Variants in TGM2 observed in about 807,000 individuals in gnomAD.
TGM2 encodes transglutaminase 2.
In TGM2, 53 loss-of-function variants were observed where a neutral mutation model predicts 75.6. The observed-to-expected ratio is 0.70, with a 90% CI of 0.56 to 0.88. The LOEUF is 0.88. TGM2 is among the 40% of genes least tolerant of loss of function. The pLI, the probability that TGM2 is intolerant of heterozygous loss-of-function variation, is 0.00. For synonymous variants in TGM2, 374 were observed against 381.1 expected, an observed-to-expected ratio of 0.98 and a Z score of 0.22; for missense variants, 842 against 928.5, an observed-to-expected ratio of 0.91 and a Z score of 1.21.
At chr20:38,140,781 A>G (rs2074962299) in intron 8 of TGM2, among the ~76,000 whole-genome samples, 2 of 152,160 alleles carry the variant, frequency 1.3e-5, no homozygotes, top group Non-Finnish European at 2.9e-5. Flanking sequence ...TTTTAATGTA[A>G]TTGGTTTTCT....
intron 12 of TGM2, 87 bp from the exon 13 acceptor site, chr20:38,130,456 C>T (rs2076378): frequency 0.14 from 203,445 of 1,416,230 alleles, 15,409 homozygotes; most frequent in East Asian, 0.26. Flanking sequence ...ACGTGACCTC[C>T]GAGGATCAGC....
In TGM2 at chr20:38,131,350, C is replaced by A. The variant is rs867793665; in HGVS notation, c.1777-121G>T. ...GCTGTACCCAGGTCTGCCACGATCA[C>A]CCCCCCTCCCCCCACCTCTGTGCCT... is the stretch of plus-strand genomic sequence containing the variant. On this transcript the variant is annotated intron_variant, in intron 11 of 12. Coordinates refer to ENST00000361475, the MANE Select transcript of TGM2 (RefSeq NM_004613.4). 7 of 1,246,484 alleles carry A rather than the reference C, an allele frequency of 5.6e-6. 1 individual carries two copies. In the Middle Eastern group the frequency reaches 1.4e-3, roughly 245 times the overall value. 77.2% of individuals were successfully genotyped at this position (1,246,484 alleles called of 1,614,324 possible).
At chr20:38,149,509 C>G (rs903176124) in intron 4 of TGM2, among the ~76,000 whole-genome samples, 4 of 151,892 alleles carry the variant, frequency 2.6e-5, no homozygotes, top group African/African-American at 9.7e-5. Flanking sequence ...AACCCCGTCT[C>G]TACTAAAAAA....
At position 38,146,811 on chromosome 20, in the gene TGM2, G is replaced by C; in HGVS notation, c.765C>G (p.Ile255Met). The C allele has an allele frequency of 2.5e-6, 4 of 1,614,016 alleles. No homozygotes were observed. Among genetic ancestry groups the C allele is most frequent in the Non-Finnish European group, 3.4e-6 (4 of 1,179,962 alleles). The change falls in exon 6 of 13, where the codon ATC (isoleucine) becomes ATG (methionine). Residue 255 changes from isoleucine (I) to methionine (M), a missense_variant. Coordinates refer to ENST00000361475, the MANE Select transcript of TGM2 (RefSeq NM_004613.4). ...YGDGVSPMSW[I>M]GSVDILRRWK... The stretch of plus-strand genomic sequence containing the variant: ...AGCGCCGCAGGATGTCCACGCTGCC[G>C]ATCCAGGACATGGGGCTGACGCCGT...
chr20:38,152,206 C>G (rs2075122937), intron 3 of TGM2, among the ~76,000 whole-genome samples: 1 of 152,272 alleles, frequency 6.6e-6, no homozygotes, highest in African/African-American at 2.4e-5. Flanking sequence ...TCTCAGGCCC[C>G]AGGCACAGTG....
chr20:38,166,876 C>T (rs1326208169), upstream of TGM2, among the ~76,000 whole-genome samples: 1 of 152,132 alleles, frequency 6.6e-6, no homozygotes, highest in East Asian at 1.9e-4. Context: ...CTGGTGAAAG[C>T]TTGGAGGAAA....
At chr20:38,153,474 G>A (rs943940661) in intron 3 of TGM2, among the ~76,000 whole-genome samples, 3 of 141,688 alleles carry the variant, frequency 2.1e-5, no homozygotes, top group East Asian at 4.7e-4. Flanking sequence ...GGAGTGAGGC[G>A]AGATTGCACC....
chr20:38,153,552 A>AATGAGCAG (rs2122942172), intron 3 of TGM2, among the ~76,000 whole-genome samples: 1 of 150,200 alleles, frequency 6.7e-6, no homozygotes, highest in East Asian at 1.9e-4. Context: ...AAAAAGAATG[A>AATGAGCAG]ATGAGCAGAT....
chr20:38,141,183 G>T, intron 8 of TGM2, 99 bp downstream of exon 8: 1 of 928,140 alleles, frequency 1.1e-6, no homozygotes, highest in South Asian at 1.4e-5. Context: ...AGTGGTCTCC[G>T]GGTGAGCTCC....
intron 2 of TGM2, among the ~76,000 whole-genome samples, chr20:38,158,142 G>A (rs756105579): frequency 3.3e-5 from 5 of 152,186 alleles, no homozygotes; most frequent in African/African-American, 4.8e-5. Flanking sequence ...AACAGGCCTG[G>A]GCCAGATCCC....
At chr20:38,163,826 G>A (rs566670252) in intron 1 of TGM2, among the ~76,000 whole-genome samples, 3 of 152,356 alleles carry the variant, frequency 2.0e-5, no homozygotes, top group South Asian at 2.1e-4. Flanking sequence ...GCAGGAAAGA[G>A]GCCATTGTTG....
chr20:38,150,886 C>G, intron 4 of TGM2, 53 bp downstream of exon 4: 2 of 1,374,976 alleles, frequency 1.5e-6, no homozygotes, highest in Non-Finnish European at 2.1e-6. Flanking sequence ...GACACAGGGC[C>G]GGGCACACAG....
At position 38,141,266 on chromosome 20, in the gene TGM2, G is replaced by C; in HGVS notation, c.1099+16C>G. 1 of 1,552,486 alleles carries C rather than the reference G, an allele frequency of 6.4e-7. No homozygotes were observed. Among genetic ancestry groups the C allele is most frequent in the East Asian group, 2.4e-5 (1 of 41,656 alleles). ...TCTTCCCCATCTGTTTGACGCGACA[G>C]TGCCCGCCCACGCACCTTCGCTCTT... On this transcript the variant is annotated intron_variant, in intron 8 of 12. Transcript: ENST00000361475.
rs201369573 is a variant in TGM2, at chr20:38,141,346, C to T, written c.1035G>A (p.Pro345=). 140 of 1,590,858 alleles carry T rather than the reference C, an allele frequency of 8.8e-5. 1 individual carries two copies. Among genetic ancestry groups the T allele is most frequent in the Middle Eastern group, 1.7e-4 (1 of 6,030 alleles). The change falls in exon 8 of 13, where the codon CCG becomes CCA. Residue 345 remains proline, a synonymous_variant. Transcript: ENST00000361475. ...HCWVESWMTR[P]DLQPGYEGWQ... is the part of the protein sequence containing the mutation. Reference sequence around the variant, plus strand: ...AGCCCTCGTACCCCGGCTGCAGGTCCGGCCTGGTCATCCACGACTCCACCC... The same window carrying T: ...AGCCCTCGTACCCCGGCTGCAGGTCTGGCCTGGTCATCCACGACTCCACCC...
intron 6 of TGM2, among the ~76,000 whole-genome samples, chr20:38,144,244 G>C (rs2075015097): frequency 6.6e-6 from 1 of 152,190 alleles, no homozygotes; most frequent in African/African-American, 2.4e-5. Flanking sequence ...CCAGCTGTAT[G>C]ACCTTGGGCA....
chr20:38,160,245 C>T (rs182944329), intron 2 of TGM2, among the ~76,000 whole-genome samples: 8 of 152,238 alleles, frequency 5.3e-5, no homozygotes, highest in Non-Finnish European at 1.0e-4. Flanking sequence ...GCTGGCCTTT[C>T]CCAACCCGAG....
rs1342209348 is a variant in TGM2 at position 38,161,504 on chromosome 20, C to T, written c.106G>A (p.Gly36Ser). The T allele has an allele frequency of 6.2e-7, 1 of 1,614,126 alleles. No homozygotes were observed. Among genetic ancestry groups the T allele is most frequent in the Admixed American group, 1.7e-5 (1 of 60,018 alleles). ...TGCAGGGTCAGCCAGAAGGGCTGGC[C>T]CCGTCGCACCACCAGCTTCTCCCGG... ...LCREKLVVRR[G>S]QPFWLTLHFE... The change falls in exon 2 of 13, where the codon GGC becomes AGC. Residue 36 changes from glycine (G) to serine (S), a missense_variant. By Grantham distance (56) the Gly-to-Ser change is moderately conservative. Transcript: ENST00000361475.
At chr20:38,164,149 C>T (rs774125474) in intron 1 of TGM2, among the ~76,000 whole-genome samples, 7 of 152,038 alleles carry the variant, frequency 4.6e-5, no homozygotes, top group Admixed American at 1.3e-4. Context: ...TGAGGACAAG[C>T]GGCCACCGAG....
At chr20:38,163,161 TG>T (rs1179608677) in intron 1 of TGM2, among the ~76,000 whole-genome samples, 3 of 151,932 alleles carry the variant, frequency 2.0e-5, no homozygotes, top group Non-Finnish European at 4.4e-5. Context: ...GACAGATGGG[TG>T]GGGGTCTTGG....
Sources: allele counts gnomAD v4.1 joint callset (sites outside exome capture counted in the v4.1 genomes callset), GRCh38; gene constraint gnomAD v4.1.1; transcripts MANE v1.5; gene names NCBI Gene and HGNC (gene_info 2026-07-23, HGNC 2026-07-21).